FANCD2OS: variants seen among roughly 807,000 people sequenced by gnomAD.
FANCD2OS encodes FANCD2 opposite strand.
In FANCD2OS, 11 loss-of-function variants were observed where a neutral mutation model predicts 13.2. The observed-to-expected ratio is 0.83, with a 90% CI of 0.52 to 1.38. The LOEUF (loss-of-function observed/expected upper bound fraction) is 1.38, where lower values mean the gene tolerates loss of function less well. Among genes scored for constraint, FANCD2OS ranks in the 40% most tolerant of loss-of-function variants. The pLI is 0.00. For missense variants in FANCD2OS, 217 were observed against 213.9 expected, an observed-to-expected ratio of 1.01 and a Z score of -0.09; for synonymous variants, 69 against 84.5, an observed-to-expected ratio of 0.82 and a Z score of 1.01.
intron 2 of FANCD2OS, chr3:10,090,268 A>C (rs779824100): frequency 2.6e-6 from 4 of 1,553,358 alleles, no homozygotes; most frequent in Non-Finnish European, 3.6e-6. Context: ...TGGTGTGGGC[A>C]CGCATGCTTT....
intron 2 of FANCD2OS, among the ~76,000 whole-genome samples, chr3:10,097,021 T>C (rs1008248710): frequency 2.0e-4 from 31 of 152,248 alleles, no homozygotes; most frequent in African/African-American, 7.5e-4. Flanking sequence ...CATCACACGT[T>C]GATAGGATCC....
At chr3:10,089,953 T>A (rs1483109215) in intron 2 of FANCD2OS, among the ~76,000 whole-genome samples, 1 of 152,218 alleles carries the variant, frequency 6.6e-6, no homozygotes, top group Admixed American at 6.5e-5. Context: ...CCTATTTTAC[T>A]GCTGAGGAAA....
chr3:10,082,239 T>C (rs35585404), intron 2 of FANCD2OS, among the ~76,000 whole-genome samples: 4,622 of 152,208 alleles, frequency 0.03, 239 homozygotes, highest in African/African-American at 0.11. Flanking sequence ...CCACCGTCTT[T>C]TTCCCACATC....
intron 2 of FANCD2OS, chr3:10,083,448 C>A (rs1320674087): frequency 6.6e-6 from 1 of 152,218 alleles, no homozygotes; most frequent in Non-Finnish European, 1.5e-5. Context: ...GGTGGAACAG[C>A]TGGAGCTCTC....
downstream of FANCD2OS, among the ~76,000 whole-genome samples, chr3:10,102,384 C>T (rs1339463045): frequency 6.6e-6 from 1 of 151,788 alleles, no homozygotes; most frequent in African/African-American, 2.4e-5. Flanking sequence ...ACCTCGTGAT[C>T]TACCCGCCTC....
intron 2 of FANCD2OS, chr3:10,088,488 G>A: frequency 6.2e-7 from 1 of 1,613,058 alleles, no homozygotes; most frequent in Non-Finnish European, 8.5e-7. Context: ...GTGTGGCCAA[G>A]TGGGGATAAA....
downstream of FANCD2OS, chr3:10,101,101 CAGTTGTGTATCCTCT>C: frequency 1.0e-6 from 1 of 980,914 alleles, no homozygotes; most frequent in Non-Finnish European, 1.6e-6. Context: ...GATAATAGTA[CAGTTGTGTATCCTCT>C]AGGAGCTGTA....
chr3:10,084,356 A>T (rs977092507), intron 2 of FANCD2OS, among the ~76,000 whole-genome samples: 1 of 151,056 alleles, frequency 6.6e-6, no homozygotes, highest in Non-Finnish European at 1.5e-5. Flanking sequence ...TAGTAACACA[A>T]TCACAGCTCA....
At chr3:10,096,771 G>T (rs1694991281) in intron 2 of FANCD2OS, among the ~76,000 whole-genome samples, 1 of 152,172 alleles carries the variant, frequency 6.6e-6, no homozygotes. Context: ...GCTCCTTTAA[G>T]CCCCACTGAG....
At chr3:10,103,082 C>G (rs531618533), downstream of FANCD2OS, 5 of 440,938 alleles carry the variant, frequency 1.1e-5, no homozygotes, top group South Asian at 7.9e-5. Context: ...TGTGGTGAAA[C>G]TCCATCTCTA....
intron 2 of FANCD2OS, chr3:10,094,143 A>G (rs1049724046): frequency 4.7e-5 from 32 of 680,982 alleles, no homozygotes; most frequent in Admixed American, 9.3e-5. Flanking sequence ...ACATTCTCCA[A>G]ATAAACCTTT....
intron 1 of FANCD2OS, among the ~76,000 whole-genome samples, chr3:10,106,775 G>C (rs1383805194): frequency 6.6e-6 from 1 of 152,182 alleles, no homozygotes; most frequent in Non-Finnish European, 1.5e-5. Flanking sequence ...TTAGCCAGGC[G>C]TGGTGGTGGG....
At chr3:10,089,495 T>A (rs895363349) in intron 2 of FANCD2OS, among the ~76,000 whole-genome samples, 4 of 152,082 alleles carry the variant, frequency 2.6e-5, no homozygotes, top group Non-Finnish European at 5.9e-5. Flanking sequence ...GTTTTGTTTT[T>A]GAGAAAACTT....
In FANCD2OS at chr3:10,094,362, G is replaced by A. The variant is rs147205530; in HGVS notation, c.*43+9836C>T. The A allele has an allele frequency of 3.0e-5, 48 of 1,612,508 alleles. No homozygotes were observed. Among genetic ancestry groups the A allele is most frequent in the Non-Finnish European group, 3.8e-5 (45 of 1,178,770 alleles). ...CTAGACTTCAGTTTTAGAAAACACC[G>A]GGTAAGAGCTAAGAGCAGAGAACAA... On this transcript the variant is annotated intron_variant, in intron 2 of 2. Coordinates refer to the FANCD2OS transcript ENST00000524279.
rs766549391 is a variant in FANCD2OS at position 10,107,477 on chromosome 3, A to G, written c.-9+538T>C. Among the ~76,000 whole-genome samples, 12 of 151,808 alleles carry G rather than the reference A, an allele frequency of 7.9e-5. No individual in the cohort carries two copies. The South Asian group carries it at 1.9e-3, about 24-fold the overall frequency. ...ATTTTTTTGTATTTTCAGTAGAGAC[A>G]GGGTTTCACCGTGTTAGCCAGGATG... On this transcript the variant is annotated intron_variant, in intron 1 of 1. Transcript: ENST00000450660.
intron 2 of FANCD2OS, among the ~76,000 whole-genome samples, chr3:10,081,894 C>T (rs1428593249): frequency 6.6e-6 from 1 of 152,164 alleles, no homozygotes; most frequent in Non-Finnish European, 1.5e-5. Flanking sequence ...GAAGGTACAA[C>T]ATGGACAAAA....
Position 10,082,249 on chromosome 3 carries a change from C to G in FANCD2OS, c.*44-718G>C, listed in dbSNP as rs34242752. ...GCTCTCCACCGTCTTTTTCCCACATCTGATTGCCAAATCCTGTTGATTTTA... is the reference window on the plus strand; with the variant it reads ...GCTCTCCACCGTCTTTTTCCCACATGTGATTGCCAAATCCTGTTGATTTTA... On this transcript the variant is annotated intron_variant, in intron 2 of 2. Coordinates refer to the FANCD2OS transcript ENST00000524279. 1.7e-3 allele frequency among the ~76,000 whole-genome samples: 258 copies of G among 152,246 alleles called. 2 individuals carry two copies. The highest frequency in any genetic ancestry group is 5.8e-3 in the African/African-American group (242 of 41,540).
intron 1 of FANCD2OS, among the ~76,000 whole-genome samples, chr3:10,105,043 G>C (rs919687305): frequency 3.3e-5 from 5 of 152,096 alleles, no homozygotes; most frequent in Admixed American, 2.6e-4. Context: ...TGTAGTGACA[G>C]AGTTTTGCCA....
At chr3:10,098,594 C>A, downstream of FANCD2OS, 1 of 1,136,470 alleles carries the variant, frequency 8.8e-7, no homozygotes, top group Non-Finnish European at 1.3e-6. Context: ...AGTTGGTATC[C>A]ATGTTTGCTG....
Sources: allele counts gnomAD v4.1 joint callset (sites outside exome capture counted in the v4.1 genomes callset), GRCh38; gene constraint gnomAD v4.1.1; transcripts MANE v1.5; gene names NCBI Gene and HGNC (gene_info 2026-07-23, HGNC 2026-07-21).